The following RPS6KC1 variants were observed in gnomAD, a reference collection of about 807,000 sequenced individuals.
RPS6KC1 encodes the protein ribosomal protein S6 kinase C1.
RPS6KC1 carries 54 observed loss-of-function variants against 103.8 expected under a neutral mutation model. The observed-to-expected ratio is 0.52, with a 90% CI of 0.42 to 0.65. The LOEUF is 0.65. Among genes scored for constraint, RPS6KC1 ranks in the 30% least tolerant of loss-of-function variants. The pLI, the probability that RPS6KC1 is intolerant of heterozygous loss-of-function variation, is 0.00. For synonymous variants in RPS6KC1, 439 were observed against 438.7 expected, an observed-to-expected ratio of 1.00 and a Z score of -0.01; for missense variants, 1,151 against 1,253.8, an observed-to-expected ratio of 0.92 and a Z score of 1.24.
At chr1:213,707,994 C>G in the RPS6KC1 span, among the ~76,000 whole-genome samples, 1 of 152,118 alleles carries the variant, frequency 6.6e-6, no homozygotes, top group South Asian at 2.1e-4. Flanking sequence ...CAAGTTTGCT[C>G]TTTTTGCTTA....
the RPS6KC1 span, among the ~76,000 whole-genome samples, chr1:213,686,806 G>A: frequency 6.6e-6 from 1 of 152,148 alleles, no homozygotes; most frequent in Non-Finnish European, 1.5e-5. Flanking sequence ...TAGCTCCCTT[G>A]GGGCAGCTGG....
the RPS6KC1 span, among the ~76,000 whole-genome samples, chr1:213,439,561 T>C: frequency 3.3e-5 from 5 of 152,046 alleles, no homozygotes; most frequent in Non-Finnish European, 7.4e-5. Flanking sequence ...CAGATGTTTA[T>C]TAAGGAGCAG....
rs574889137 is a variant in RPS6KC1, at chr1:213,060,107, C to T, written c.105+8598C>T. ...TGCTGGGATTGCCGGTGTGAACCAC[C>T]GCGTCCAGCTGCATGTTTTACTTTT... On this transcript the variant is annotated intron_variant, in intron 1 of 14. Transcript: ENST00000366960. Among the ~76,000 whole-genome samples, 8 of 152,294 alleles carry T rather than the reference C, an allele frequency of 5.3e-5. No individual in the cohort carries two copies. The South Asian group carries it at 6.2e-4, about 12-fold the overall frequency.
chr1:213,356,730 T>G, the RPS6KC1 span, among the ~76,000 whole-genome samples: 6 of 152,200 alleles, frequency 3.9e-5, no homozygotes, highest in African/African-American at 1.4e-4. Flanking sequence ...TCTGCCTTCA[T>G]CACTACACCG....
At chr1:213,103,154 T>C (rs2082157555) in intron 3 of RPS6KC1, among the ~76,000 whole-genome samples, 1 of 150,082 alleles carries the variant, frequency 6.7e-6, no homozygotes, top group African/African-American at 2.5e-5. Flanking sequence ...GAGGTTTTGA[T>C]CACTCTGGGT....
the RPS6KC1 span, among the ~76,000 whole-genome samples, chr1:213,450,792 A>G: frequency 3.4e-4 from 52 of 152,276 alleles, no homozygotes; most frequent in African/African-American, 1.1e-3. Flanking sequence ...CCTGGCCAAC[A>G]TGGTGAAACT....
At chr1:213,440,470 G>A in the RPS6KC1 span, among the ~76,000 whole-genome samples, 2 of 151,528 alleles carry the variant, frequency 1.3e-5, no homozygotes, top group Non-Finnish European at 2.9e-5. Flanking sequence ...ACTGCAAAAT[G>A]TTAATATAAA....
chr1:213,646,897 A>ATATATATATATATTTT, the RPS6KC1 span, among the ~76,000 whole-genome samples: 1 of 150,436 alleles, frequency 6.6e-6, no homozygotes, highest in Non-Finnish European at 1.5e-5. Context: ...ATATATATAT[A>ATATATATATATATTTT]TTTTTGTTTG....
chr1:213,823,596 AC>A, the RPS6KC1 span, among the ~76,000 whole-genome samples: 2 of 151,878 alleles, frequency 1.3e-5, no homozygotes, highest in Admixed American at 1.3e-4. Context: ...GGTAACCACT[AC>A]CTCCTCTTCC....
the RPS6KC1 span, among the ~76,000 whole-genome samples, chr1:213,727,908 G>T: frequency 6.6e-6 from 1 of 152,128 alleles, no homozygotes; most frequent in South Asian, 2.1e-4. Context: ...AGCAATAATT[G>T]TTTTCCAACT....
chr1:213,477,249 C>G, the RPS6KC1 span, among the ~76,000 whole-genome samples: 1 of 152,086 alleles, frequency 6.6e-6, no homozygotes, highest in Non-Finnish European at 1.5e-5. Context: ...TAAAAATGTT[C>G]CAAGGATATT....
the RPS6KC1 span, among the ~76,000 whole-genome samples, chr1:213,814,269 G>A: frequency 2.0e-5 from 3 of 152,212 alleles, no homozygotes; most frequent in African/African-American, 7.2e-5. Flanking sequence ...CTTGGAGCAG[G>A]ACAACCTGAG....
At chr1:213,398,135 G>A in the RPS6KC1 span, among the ~76,000 whole-genome samples, 5 of 151,064 alleles carry the variant, frequency 3.3e-5, no homozygotes, top group African/African-American at 9.8e-5. Flanking sequence ...GGGTTCAAGC[G>A]ATTCTTCTGC....
chr1:213,724,358 G>C, the RPS6KC1 span, among the ~76,000 whole-genome samples: 1 of 152,216 alleles, frequency 6.6e-6, no homozygotes, highest in Non-Finnish European at 1.5e-5. Context: ...GAGATTACAG[G>C]TGTGAGCCAC....
chr1:213,310,424 TG>T, the RPS6KC1 span, among the ~76,000 whole-genome samples: 6 of 152,210 alleles, frequency 3.9e-5, no homozygotes, highest in Non-Finnish European at 8.8e-5. Flanking sequence ...GCACGCTTCC[TG>T]CTCATGGCCT....
At chr1:213,400,597 A>T in the RPS6KC1 span, among the ~76,000 whole-genome samples, 1 of 152,072 alleles carries the variant, frequency 6.6e-6, no homozygotes, top group Non-Finnish European at 1.5e-5. Context: ...GCAAGGTCCT[A>T]CTAATTAGCA....
At chr1:213,668,632 G>A in the RPS6KC1 span, among the ~76,000 whole-genome samples, 1 of 152,018 alleles carries the variant, frequency 6.6e-6, no homozygotes, top group South Asian at 2.1e-4. Context: ...AAGAGATCCA[G>A]CCTATCTTTT....
the RPS6KC1 span, among the ~76,000 whole-genome samples, chr1:213,569,923 A>G: frequency 1.3e-5 from 2 of 152,286 alleles, no homozygotes; most frequent in Admixed American, 1.3e-4. Context: ...AATCCTTTCC[A>G]TAGGAAGTTA....
the RPS6KC1 span, among the ~76,000 whole-genome samples, chr1:213,383,698 T>A: frequency 6.6e-6 from 1 of 152,192 alleles, no homozygotes; most frequent in Non-Finnish European, 1.5e-5. Flanking sequence ...ATGGTATTAG[T>A]GTCCCTATAA....
Sources: allele counts gnomAD v4.1 joint callset (sites outside exome capture counted in the v4.1 genomes callset), GRCh38; gene constraint gnomAD v4.1.1; transcripts MANE v1.5; gene names NCBI Gene and HGNC (gene_info 2026-07-23, HGNC 2026-07-21).